Variants in SLAIN2 observed in about 807,000 individuals in gnomAD.
The protein encoded by SLAIN2 is SLAIN family member 2.
A neutral mutation model predicts 56.6 loss-of-function variants in SLAIN2; 31 were observed. The ratio of observed to expected loss-of-function variants is 0.55; its 90% CI spans 0.41 to 0.74. The LOEUF (loss-of-function observed/expected upper bound fraction) is 0.74. Among genes scored for constraint, SLAIN2 ranks in the 30% least tolerant of loss-of-function variants. SLAIN2 has a pLI of 0.00. For missense variants in SLAIN2, 777 were observed against 754.2 expected (o/e 1.03, Z -0.35); for synonymous variants, 317 against 284.9 (o/e 1.11, Z -1.13).
intron 6 of SLAIN2, among the ~76,000 whole-genome samples, chr4:48,403,845 C>T (rs1430315723): frequency 1.3e-5 from 2 of 152,162 alleles, no homozygotes; most frequent in African/African-American, 2.4e-5. Flanking sequence ...GGCCATTCTG[C>T]GGAGACGCCA....
intron 1 of SLAIN2, among the ~76,000 whole-genome samples, chr4:48,357,992 C>T (rs980899475): frequency 6.6e-6 from 1 of 152,172 alleles, no homozygotes; most frequent in African/African-American, 2.4e-5. Flanking sequence ...AGCCACCACG[C>T]CTGGCCCTAT....
At chr4:48,397,868 G>T (rs557981823) in intron 6 of SLAIN2, among the ~76,000 whole-genome samples, 4 of 152,284 alleles carry the variant, frequency 2.6e-5, no homozygotes, top group South Asian at 2.1e-4. Context: ...GTACTCCATG[G>T]TGTATATGTA....
chr4:48,346,121 TC>T (rs1468348976), intron 1 of SLAIN2, among the ~76,000 whole-genome samples: 3 of 152,254 alleles, frequency 2.0e-5, no homozygotes, highest in Non-Finnish European at 2.9e-5. Context: ...TTGGACTTGT[TC>T]ATGATGAATG....
intron 6 of SLAIN2, among the ~76,000 whole-genome samples, chr4:48,411,079 CGTT>C (rs929523667): frequency 4.8e-4 from 73 of 151,810 alleles, no homozygotes; most frequent in East Asian, 1.9e-4. Context: ...GTTTTTTCGT[CGTT>C]GTTGTTTTAA....
chr4:48,373,291 C>G (rs1715718724), intron 2 of SLAIN2, among the ~76,000 whole-genome samples: 2 of 152,250 alleles, frequency 1.3e-5, no homozygotes, highest in Middle Eastern at 6.8e-3. Flanking sequence ...TTTTCATCAT[C>G]CCATACTGAA....
intron 1 of SLAIN2, among the ~76,000 whole-genome samples, chr4:48,360,564 C>G (rs1715297320): frequency 6.6e-6 from 1 of 151,912 alleles, no homozygotes; most frequent in African/African-American, 2.4e-5. Flanking sequence ...TACACTCTAG[C>G]TTGGGTGATG....
intron 1 of SLAIN2, among the ~76,000 whole-genome samples, chr4:48,348,689 C>CAA (rs34880531): frequency 0.16 from 15,985 of 98,236 alleles, 1,209 homozygotes; most frequent in East Asian, 0.38. Context: ...GACTCTGTCT[C>CAA]AAAAAAAAAA....
rs569503116 is a variant in SLAIN2, at chr4:48,345,407, T to G, written c.389+3279T>G. On this transcript the variant is annotated intron_variant, in intron 1 of 7. Coordinates refer to ENST00000264313, the MANE Select transcript of SLAIN2 (RefSeq NM_020846.2). ...TTTTTCTTAATTAACTCTAAGTTGC[T>G]CATTGTCATTATACATGGTTCCCAG... Among the ~76,000 whole-genome samples, 189 of 152,362 alleles carry G rather than the reference T, an allele frequency of 1.2e-3. 1 individual carries two copies. The highest frequency in any genetic ancestry group is 4.0e-3 in the African/African-American group (167 of 41,598).
At chr4:48,386,107 A>AAAAC (rs1560459324) in intron 6 of SLAIN2, among the ~76,000 whole-genome samples, 1 of 147,122 alleles carries the variant, frequency 6.8e-6, no homozygotes. Flanking sequence ...AAAAAAAAAA[A>AAAAC]AAGCTACGAA....
At chr4:48,347,808 T>C (rs1288092651) in intron 1 of SLAIN2, among the ~76,000 whole-genome samples, 11 of 152,204 alleles carry the variant, frequency 7.2e-5, no homozygotes, top group African/African-American at 2.4e-4. Flanking sequence ...ACCATTCTGC[T>C]TCTCTGTCTA....
At chr4:48,409,879 A>G (rs1180307497) in intron 6 of SLAIN2, among the ~76,000 whole-genome samples, 1 of 151,978 alleles carries the variant, frequency 6.6e-6, no homozygotes, top group Non-Finnish European at 1.5e-5. Flanking sequence ...GCAAGACTCC[A>G]TCTCAAAATA....
intron 2 of SLAIN2, among the ~76,000 whole-genome samples, chr4:48,374,364 G>T (rs1715749567): frequency 6.6e-6 from 1 of 152,046 alleles, no homozygotes; most frequent in South Asian, 2.1e-4. Context: ...AGCCTCCTGA[G>T]TAGCTGGGAT....
intron 1 of SLAIN2, among the ~76,000 whole-genome samples, chr4:48,365,705 G>A (rs1034310626): frequency 6.6e-5 from 10 of 151,966 alleles, no homozygotes; most frequent in Non-Finnish European, 1.3e-4. Context: ...GGGATTACAG[G>A]TGCCTGCCAC....
chr4:48,424,812 C>T lies in SLAIN2; in HGVS notation c.*2735C>T, dbSNP rs1322714311. 1 of 151,552 alleles carries T rather than the reference C, an allele frequency of 6.6e-6. No individual in the cohort carries two copies. The highest frequency in any genetic ancestry group is 1.5e-5 in the Non-Finnish European group (1 of 67,858). The allele number at this position is 151,552 out of a possible 1,614,324, so 9.4% of individuals were successfully genotyped here. On this transcript the variant is annotated 3_prime_UTR_variant, in exon 8 of 8. Transcript: ENST00000264313. ...AAAGAAAATTAGATACATATGTGGCCCCAGATGTTTGTATAACTCTAGAAT... is the reference window on the plus strand; with the variant it reads ...AAAGAAAATTAGATACATATGTGGCTCCAGATGTTTGTATAACTCTAGAAT...
chr4:48,414,577 CTCT>C (rs1716950458), intron 6 of SLAIN2, among the ~76,000 whole-genome samples: 1 of 127,318 alleles, frequency 7.9e-6, no homozygotes, highest in Non-Finnish European at 1.6e-5. Flanking sequence ...TTTTATTATA[CTCT>C]AAGTTTTAGG....
chr4:48,342,724 T>TTTTTG (rs1714753265), intron 1 of SLAIN2, among the ~76,000 whole-genome samples: 1 of 143,622 alleles, frequency 7.0e-6, no homozygotes, highest in Non-Finnish European at 1.5e-5. Context: ...TTTTTTTTTT[T>TTTTTG]TTTTTTTTTT....
rs1717118576 is a variant in SLAIN2 at position 48,420,418 on chromosome 4, A to C, written c.1654A>C (p.Ser552Arg). ...TGCTGGGGGCATACCAGTGCCTCGC[A>C]GCAAACTTGCACAGCCTGTTCGCAG... Reference protein sequence around the residue: ...PSAGGIPVPRSKLAQPVRRSL... With the variant: ...PSAGGIPVPRRKLAQPVRRSL... Residue 552 changes from serine (S) to arginine (R), a missense_variant, in exon 7 of 8, where the codon AGC (serine) becomes CGC (arginine). Ser to Arg is a moderately radical substitution (Grantham distance 110, BLOSUM62 -1). Coordinates refer to ENST00000264313, the MANE Select transcript of SLAIN2 (RefSeq NM_020846.2). 1.2e-6 allele frequency: 2 copies of C among 1,614,002 alleles called. No individual in the cohort carries two copies. Among genetic ancestry groups the C allele is most frequent in the East Asian group, 4.5e-5 (2 of 44,880 alleles).
Position 48,382,572 on chromosome 4 carries a change from C to T in SLAIN2, c.867C>T (p.Leu289=), listed in dbSNP as rs1715994749. Residue 289 remains leucine, a synonymous_variant, in exon 5 of 8, where the codon CTC becomes CTT. Transcript: ENST00000264313. ...AATAACATTCATTGTTGCCAGGTCT[C>T]CGGCAAGAATATGCAGCCACCACGT... ...QILARMQEES[L]RQEYAATTSR... The T allele has an allele frequency of 2.6e-6, 4 of 1,560,560 alleles. No individual in the cohort carries two copies. Among genetic ancestry groups the T allele is most frequent in the Non-Finnish European group, 2.6e-6 (3 of 1,144,744 alleles).
intron 6 of SLAIN2, among the ~76,000 whole-genome samples, chr4:48,387,810 G>A (rs866283708): frequency 1.1e-4 from 17 of 152,032 alleles, no homozygotes; most frequent in Middle Eastern, 6.8e-3. Context: ...AAATATATAT[G>A]TAAGCATTTT....
Sources: allele counts gnomAD v4.1 joint callset (sites outside exome capture counted in the v4.1 genomes callset), GRCh38; gene constraint gnomAD v4.1.1; transcripts MANE v1.5; gene names NCBI Gene and HGNC (gene_info 2026-07-23, HGNC 2026-07-21).